The following PSD3 variants were observed in gnomAD, a reference collection of about 807,000 sequenced individuals.
PSD3 encodes the protein pleckstrin and Sec7 domain containing 3.
PSD3 carries 49 observed loss-of-function variants against 105.5 expected under a neutral mutation model. The observed-to-expected ratio is 0.46, with a 90% CI of 0.37 to 0.59. The LOEUF (loss-of-function observed/expected upper bound fraction) is 0.59, where lower values mean the gene tolerates loss of function less well. Among genes scored for constraint, PSD3 ranks in the 20% least tolerant of loss-of-function variants. The pLI is 0.00. For missense variants in PSD3, 1,561 were observed against 1,263.8 expected, an observed-to-expected ratio of 1.24 and a Z score of -3.57; for synonymous variants, 557 against 457.8, an observed-to-expected ratio of 1.22 and a Z score of -2.77.
intron 10 of PSD3, among the ~76,000 whole-genome samples, chr8:18,650,458 G>A (rs1001714966): frequency 2.6e-5 from 4 of 152,210 alleles, no homozygotes; most frequent in African/African-American, 9.6e-5. Context: ...ATGAACAATT[G>A]AGCAAAGGAA....
chr8:18,904,035 A>G (rs945663074), intron 2 of PSD3, among the ~76,000 whole-genome samples: 1 of 152,140 alleles, frequency 6.6e-6, no homozygotes, highest in South Asian at 2.1e-4. Flanking sequence ...TTTATAAAGA[A>G]AAGAGGTTTA....
At chr8:18,689,007 C>T (rs371472303) in intron 9 of PSD3, among the ~76,000 whole-genome samples, 1 of 152,226 alleles carries the variant, frequency 6.6e-6, no homozygotes, top group African/African-American at 2.4e-5. Context: ...AGGCTGGAAA[C>T]TGGTGCTTCA....
intron 4 of PSD3, among the ~76,000 whole-genome samples, chr8:18,810,237 A>C (rs1399966834): frequency 6.6e-6 from 1 of 152,152 alleles, no homozygotes; most frequent in African/African-American, 2.4e-5. Flanking sequence ...TGAATCCTCA[A>C]CACAAGGGGC....
At chr8:18,722,934 C>T (rs1310182917) in intron 9 of PSD3, among the ~76,000 whole-genome samples, 2 of 152,202 alleles carry the variant, frequency 1.3e-5, no homozygotes, top group African/African-American at 4.8e-5. Context: ...CCGTATGTCC[C>T]TTGCTAGCTG....
chr8:18,634,220 C>T (rs1398001143), intron 10 of PSD3, among the ~76,000 whole-genome samples: 1 of 151,988 alleles, frequency 6.6e-6, no homozygotes, highest in Non-Finnish European at 1.5e-5. Flanking sequence ...TATCACAAAA[C>T]CAGAAGTGTT....
At chr8:18,704,792 A>G (rs116232227) in intron 9 of PSD3, among the ~76,000 whole-genome samples, 3,492 of 152,320 alleles carry the variant, frequency 0.023, 116 homozygotes, top group African/African-American at 0.078. Context: ...GAAAGTAGAA[A>G]AATAATATGT....
intron 6 of PSD3, chr8:18,802,489 C>G (rs1810787639): frequency 4.7e-6 from 1 of 211,510 alleles, no homozygotes. Flanking sequence ...TTAAGATTAA[C>G]AAACTATATA....
In PSD3 at chr8:18,535,151, T is replaced by C. The variant is rs1439631601; in HGVS notation, c.*592A>G. The C allele has an allele frequency of 6.5e-6, 1 of 153,234 alleles. No individual in the cohort carries two copies. Among genetic ancestry groups the C allele is most frequent in the African/African-American group, 2.4e-5 (1 of 41,458 alleles). The allele number at this position is 153,234 out of a possible 1,614,324, so 9.5% of individuals were successfully genotyped here. A position where few individuals can be genotyped will look rare whatever the true frequency, so the allele number is the denominator to read the frequency against. Reference sequence around the variant, plus strand: ...AATCCTACGATCTTCACGCTTCTTTTCCCTGCTTCCAGCAGGGTCCGATCT... The same window carrying C: ...AATCCTACGATCTTCACGCTTCTTTCCCCTGCTTCCAGCAGGGTCCGATCT... On this transcript the variant is annotated 3_prime_UTR_variant, in exon 16 of 16. Transcript: ENST00000327040.
intron 10 of PSD3, among the ~76,000 whole-genome samples, chr8:18,638,119 C>T (rs1301073354): frequency 6.8e-6 from 1 of 147,120 alleles, no homozygotes; most frequent in African/African-American, 2.5e-5. Flanking sequence ...CACGCCACTG[C>T]ACTCCAGCCT....
intron 1 of PSD3, 94 bp downstream of exon 1, chr8:19,013,469 G>T: frequency 6.5e-7 from 1 of 1,542,402 alleles, no homozygotes; most frequent in Non-Finnish European, 8.8e-7. Flanking sequence ...CCGGGATCCT[G>T]GGGGACAGAG....
rs918046184 is a variant in PSD3 at position 18,776,290 on chromosome 8, T to TAA, written c.2083-10754_2083-10753dup. On this transcript the variant is annotated intron_variant, in intron 8 of 15. Transcript: ENST00000327040. ...TATATATAATGTATAAATATATATA[T>TAA]AATGTATAAATATATATAGTATAAA... Among the ~76,000 whole-genome samples, 342 of 144,746 alleles carry TAA rather than the reference T, an allele frequency of 2.4e-3. 1 individual carries two copies. The highest frequency in any genetic ancestry group is 8.2e-3 in the African/African-American group (317 of 38,612). 95.0% of individuals were successfully genotyped at this position (144,746 alleles called of 152,430 possible).
At chr8:18,657,317 G>C (rs553535439) in intron 9 of PSD3, among the ~76,000 whole-genome samples, 1 of 152,224 alleles carries the variant, frequency 6.6e-6, no homozygotes, top group African/African-American at 2.4e-5. Context: ...ATTTATTTAA[G>C]TTGTAGAATT....
intron 14 of PSD3, 131 bp downstream of exon 14, chr8:18,572,397 A>G (rs1802198586): frequency 1.2e-5 from 13 of 1,108,388 alleles, no homozygotes; most frequent in South Asian, 1.6e-5. Context: ...CCTCATTTAT[A>G]TGATACGCTC....
chr8:18,817,886 T>C (rs1018401999), intron 4 of PSD3, among the ~76,000 whole-genome samples: 2 of 152,190 alleles, frequency 1.3e-5, no homozygotes, highest in Non-Finnish European at 2.9e-5. Context: ...TCTTCAGCTC[T>C]TAATATCTAA....
At chr8:18,887,212 G>A (rs1312197814) in intron 2 of PSD3, among the ~76,000 whole-genome samples, 3 of 152,144 alleles carry the variant, frequency 2.0e-5, no homozygotes, top group East Asian at 1.9e-4. Flanking sequence ...TTATTTTAAC[G>A]GACAAGGGAA....
At chr8:19,043,661 A>G (rs1230165793) in intron 1 of PSD3, among the ~76,000 whole-genome samples, 1 of 152,122 alleles carries the variant, frequency 6.6e-6, no homozygotes, top group Non-Finnish European at 1.5e-5. Flanking sequence ...GTTAAGCACT[A>G]AGAGCTCCAC....
chr8:18,610,276 A>G (rs1043911128), intron 11 of PSD3, among the ~76,000 whole-genome samples: 3 of 152,200 alleles, frequency 2.0e-5, no homozygotes, highest in Non-Finnish European at 4.4e-5. Context: ...TAGGTAGACA[A>G]GATTGAAAAC....
At chr8:19,041,791 G>A (rs187865204) in intron 1 of PSD3, among the ~76,000 whole-genome samples, 78 of 152,236 alleles carry the variant, frequency 5.1e-4, no homozygotes, top group Middle Eastern at 6.8e-3. Context: ...GTTTTCTGAC[G>A]CATTATTTAT....
rs374910120 is a variant in PSD3 at position 18,585,490 on chromosome 8, G to A, written c.2482-10205C>T. Among the ~76,000 whole-genome samples the A allele has an allele frequency of 2.7e-3, 416 of 152,058 alleles. 1 individual carries two copies. In the Middle Eastern group the frequency reaches 0.031, roughly 11 times the overall value. On this transcript the variant is annotated intron_variant, in intron 12 of 15. Transcript: ENST00000327040. ...GTACCACTATGTCTGGCTAATTTTT[G>A]TATTTTTTGTAGAGATGGGGTTTTG...
Sources: gnomAD v4.1 joint callset for allele counts (sites outside exome capture counted in the v4.1 genomes callset) on GRCh38, gnomAD v4.1.1 for gene constraint, MANE v1.5 for transcripts, NCBI Gene and HGNC (gene_info 2026-07-23, HGNC 2026-07-21) for gene names.